ANKRD11: variants seen among roughly 807,000 people sequenced by gnomAD.
ANKRD11 encodes ankyrin repeat domain-containing protein 11.
A neutral mutation model predicts 195.7 loss-of-function variants in ANKRD11; 17 were observed. The ratio of observed to expected loss-of-function variants is 0.09; its 90% CI spans 0.06 to 0.13. The LOEUF is 0.13. Ranked by LOEUF, ANKRD11 falls within the 10% of genes least tolerant of loss-of-function variation. The pLI is 1.00. For synonymous variants in ANKRD11, 1,953 were observed against 1,528.1 expected (o/e 1.28, Z -6.49); for missense variants, 3,735 against 3,566.1 (o/e 1.05, Z -1.21).
chr16:89,418,273 T>A lies in ANKRD11; in HGVS notation c.-60+11A>T. Reference sequence around the variant, plus strand: ...AAACATAAATTGATAGAGAATGCAGTGAGTATTTACCGATTCCATAGCTGA... The same window carrying A: ...AAACATAAATTGATAGAGAATGCAGAGAGTATTTACCGATTCCATAGCTGA... On this transcript the variant is annotated intron_variant, in intron 2 of 12. Transcript: ENST00000301030. 1 of 453,928 alleles carries A rather than the reference T, an allele frequency of 2.2e-6. No homozygotes were observed. The highest frequency in any genetic ancestry group is 4.4e-6 in the Non-Finnish European group (1 of 226,662). 28.1% of individuals were successfully genotyped at this position (453,928 alleles called of 1,614,324 possible).
intron 1 of ANKRD11, among the ~76,000 whole-genome samples, chr16:89,476,958 CTATA>C (rs1567858986): frequency 6.6e-6 from 1 of 152,132 alleles, no homozygotes; most frequent in Non-Finnish European, 1.5e-5. Context: ...TGGTAACAAT[CTATA>C]ATACGAGGAG....
intron 2 of ANKRD11, among the ~76,000 whole-genome samples, chr16:89,359,843 A>T (rs2039654949): frequency 6.6e-6 from 1 of 152,154 alleles, no homozygotes; most frequent in South Asian, 2.1e-4. Flanking sequence ...AAGCTACAAA[A>T]CCCTAAGAAC....
Position 89,449,455 on chromosome 16 carries a change from T to A in ANKRD11, c.-144-31087A>T, listed in dbSNP as rs529625432. 2.0e-4 allele frequency among the ~76,000 whole-genome samples: 31 copies of A among 152,036 alleles called. 1 individual carries two copies. Among genetic ancestry groups the A allele is most frequent in the Admixed American group, 5.9e-4 (9 of 15,278 alleles). ...CTCTGGAAATGCGTTATTTTTTTTT[T>A]AAATTATACCCACACACCCCTTCCA... On this transcript the variant is annotated intron_variant, in intron 1 of 12. Coordinates refer to ENST00000301030, the MANE Select transcript of ANKRD11 (RefSeq NM_013275.6).
At chr16:89,447,869 A>G (rs1187956104) in intron 1 of ANKRD11, among the ~76,000 whole-genome samples, 1 of 150,882 alleles carries the variant, frequency 6.6e-6, no homozygotes, top group Non-Finnish European at 1.5e-5. Context: ...CACTGGCACA[A>G]TCTCAGCTCA....
Position 89,290,343 on chromosome 16 carries a change from G to A in ANKRD11, c.601+282C>T, listed in dbSNP as rs1480065758. ...GGGGAGGCTCAGGGCTCCAGCGGGG[G>A]AGGCTCAGGGCTCCAATGGGGGGAG... is the stretch of plus-strand genomic sequence containing the variant. On this transcript the variant is annotated intron_variant, in intron 6 of 12. Transcript: ENST00000301030. 2.1e-4 allele frequency among the ~76,000 whole-genome samples: 18 copies of A among 85,518 alleles called. 1 individual carries two copies. The highest frequency in any genetic ancestry group is 8.3e-4 in the African/African-American group (18 of 21,802). The allele number at this position is 85,518 out of a possible 152,430, so 56.1% of individuals were successfully genotyped here.
At chr16:89,389,481 G>A (rs569298125) in intron 2 of ANKRD11, among the ~76,000 whole-genome samples, 1 of 152,308 alleles carries the variant, frequency 6.6e-6, no homozygotes, top group South Asian at 2.1e-4. Flanking sequence ...AGTAGATGGA[G>A]ACATGAAATC....
rs2034091297 is a variant in ANKRD11, at chr16:89,280,350, G to A, written c.6192C>T (p.Ser2064=). 2.5e-6 allele frequency: 4 copies of A among 1,574,762 alleles called. No individual in the cohort carries two copies. The highest frequency in any genetic ancestry group is 2.6e-6 in the Non-Finnish European group (3 of 1,160,788). ...GAAGTGACTTGCAGTTGCTGAAGAA[G>A]GACTCCAGCCCGGAGGGAGGGGCGT... ...APYAPPSGLE[S]FFSNCKSLPE... The change falls in exon 9 of 13, where the codon TCC becomes TCT. Residue 2064 remains serine, a synonymous_variant. Transcript: ENST00000301030.
intron 2 of ANKRD11, among the ~76,000 whole-genome samples, chr16:89,350,379 A>G (rs1434593860): frequency 2.6e-5 from 4 of 152,202 alleles, no homozygotes; most frequent in African/African-American, 9.7e-5. Context: ...TACTCATATC[A>G]GCTTGACTCC....
chr16:89,366,129 CAAAA>C (rs71387689), intron 2 of ANKRD11, among the ~76,000 whole-genome samples: 6 of 60,434 alleles, frequency 9.9e-5, no homozygotes, highest in African/African-American at 3.1e-4. Context: ...GACTCCATCT[CAAAA>C]AAAAAAAAAA....
intron 2 of ANKRD11, among the ~76,000 whole-genome samples, chr16:89,378,000 A>C (rs1038786074): frequency 6.6e-6 from 1 of 152,048 alleles, no homozygotes; most frequent in Non-Finnish European, 1.5e-5. Context: ...TTTCTTAACA[A>C]CACCTTCTTT....
At chr16:89,278,584 G>C in intron 9 of ANKRD11, 2 of 457,684 alleles carry the variant, frequency 4.4e-6, no homozygotes, top group Non-Finnish European at 8.8e-6. Context: ...CCCCAAGGGA[G>C]CTGCAGCTCT....
chr16:89,405,254 G>A (rs762082340), intron 2 of ANKRD11, among the ~76,000 whole-genome samples: 1 of 152,156 alleles, frequency 6.6e-6, no homozygotes, highest in South Asian at 2.1e-4. Flanking sequence ...GTCTGTTGTG[G>A]AACAAAATGC....
intron 1 of ANKRD11, among the ~76,000 whole-genome samples, chr16:89,478,586 T>C (rs1447193218): frequency 1.3e-5 from 2 of 152,154 alleles, no homozygotes; most frequent in African/African-American, 2.4e-5. Flanking sequence ...TGTGTCCCTT[T>C]CGTCCCCGCT....
At chr16:89,381,286 T>A (rs1387097348) in intron 2 of ANKRD11, among the ~76,000 whole-genome samples, 5 of 135,472 alleles carry the variant, frequency 3.7e-5, no homozygotes, top group Non-Finnish European at 7.6e-5. Context: ...GAGGCGACAA[T>A]GCGCCACTGC....
At chr16:89,346,999 C>G (rs1490589319) in intron 2 of ANKRD11, among the ~76,000 whole-genome samples, 1 of 152,128 alleles carries the variant, frequency 6.6e-6, no homozygotes, top group Non-Finnish European at 1.5e-5. Context: ...GTCTGCGAAG[C>G]AAATGGCCCA....
At chr16:89,487,921 G>A (rs1469367285) in intron 1 of ANKRD11, among the ~76,000 whole-genome samples, 2 of 150,442 alleles carry the variant, frequency 1.3e-5, no homozygotes, top group African/African-American at 2.5e-5. Context: ...CATGGCAGCC[G>A]CTCGTCATCA....
Position 89,351,619 on chromosome 16 carries a change from C to T in ANKRD11, c.-59-34541G>A, listed in dbSNP as rs374914017. Among the ~76,000 whole-genome samples the T allele has an allele frequency of 2.4e-4, 37 of 152,348 alleles. 1 individual carries two copies. The highest frequency in any genetic ancestry group is 8.7e-4 in the African/African-American group (36 of 41,588). ...TGTGTTTGGCATTGAGGCAATGCTG[C>T]TGTGGGCACTGCAGACATAGGCCCT... On this transcript the variant is annotated intron_variant, in intron 2 of 12. Transcript: ENST00000301030.
intron 6 of ANKRD11, chr16:89,288,995 C>T (rs911564915): frequency 3.8e-5 from 17 of 443,680 alleles, no homozygotes; most frequent in Non-Finnish European, 5.0e-5. Context: ...TCATCCTCAC[C>T]GATCTGGAGG....
In ANKRD11 at chr16:89,280,528, G is replaced by A; in HGVS notation, c.6014C>T (p.Pro2005Leu). The A allele has an allele frequency of 6.2e-7, 1 of 1,612,046 alleles. No homozygotes were observed. The highest frequency in any genetic ancestry group is 1.1e-5 in the South Asian group (1 of 91,018). Residue 2005 changes from proline to leucine, a missense_variant, in exon 9 of 13, where the codon CCA (proline) becomes CTA (leucine). Transcript: ENST00000301030. ...CGCCTCCGAGGCGCTGAAGGGCCCT[G>A]GGGCGGCAGAGTGGAGGGGGTCCGC... ...CPADPLHSAA[P>L]GPFSASEAPY...
Sources: gnomAD v4.1 joint callset for allele counts (sites outside exome capture counted in the v4.1 genomes callset) on GRCh38, gnomAD v4.1.1 for gene constraint, MANE v1.5 for transcripts, NCBI Gene and HGNC (gene_info 2026-07-23, HGNC 2026-07-21) for gene names.